Variants in TGFBRAP1 observed in about 807,000 individuals in gnomAD.
The protein encoded by TGFBRAP1 is transforming growth factor beta receptor associated protein 1.
Under a neutral mutation model 83.2 loss-of-function variants are expected in TGFBRAP1, and 20 were observed. The ratio of observed to expected loss-of-function variants is 0.24; its 90% CI spans 0.17 to 0.35. The LOEUF (loss-of-function observed/expected upper bound fraction) is 0.35. Among genes scored for constraint, TGFBRAP1 ranks in the 10% least tolerant of loss-of-function variants. The pLI, the probability that TGFBRAP1 is intolerant of heterozygous loss-of-function variation, is 1.00. For synonymous variants in TGFBRAP1, 415 were observed against 459.8 expected (o/e 0.90, Z 1.25); for missense variants, 950 against 1,099.4 (o/e 0.86, Z 1.92).
At chr2:105,253,731 G>A in the TGFBRAP1 span, among the ~76,000 whole-genome samples, 60 of 152,152 alleles carry the variant, frequency 3.9e-4, no homozygotes, top group Admixed American at 1.3e-3. Flanking sequence ...CAATGAACCT[G>A]GCCTCCTAGT....
chr2:105,291,059 G>A (rs1677895851), intron 4 of TGFBRAP1, among the ~76,000 whole-genome samples: 1 of 152,090 alleles, frequency 6.6e-6, no homozygotes, highest in Non-Finnish European at 1.5e-5. Context: ...GGAAGGTGGT[G>A]GCTGTTACGG....
At chr2:105,260,877 T>A (rs537805062), downstream of TGFBRAP1, among the ~76,000 whole-genome samples, 1 of 152,182 alleles carries the variant, frequency 6.6e-6, no homozygotes, top group Non-Finnish European at 1.5e-5. Context: ...GGGGAGGGCA[T>A]AAAATTTGAG....
intron 4 of TGFBRAP1, among the ~76,000 whole-genome samples, chr2:105,295,453 G>A (rs928031297): frequency 3.3e-5 from 5 of 152,068 alleles, no homozygotes; most frequent in African/African-American, 1.2e-4. Flanking sequence ...TAGGAGACCC[G>A]ATTTATATCA....
the TGFBRAP1 span, among the ~76,000 whole-genome samples, chr2:105,253,513 C>A: frequency 6.6e-6 from 1 of 152,126 alleles, no homozygotes; most frequent in Non-Finnish European, 1.5e-5. Context: ...ATTACTGCAG[C>A]CTTAAACTCC....
chr2:105,250,928 T>C, the TGFBRAP1 span, among the ~76,000 whole-genome samples: 3 of 152,228 alleles, frequency 2.0e-5, no homozygotes, highest in Non-Finnish European at 4.4e-5. Context: ...GGTGCCGGGA[T>C]GGCAGACGGA....
intron 4 of TGFBRAP1, among the ~76,000 whole-genome samples, chr2:105,289,239 A>AG (rs1467453373): frequency 5.3e-5 from 8 of 152,202 alleles, no homozygotes; most frequent in African/African-American, 1.9e-4. Context: ...TGGGAAGGAT[A>AG]TACACAAAAA....
chr2:105,302,008 C>CAAAAAAAAAAAAAA, intron 2 of TGFBRAP1, among the ~76,000 whole-genome samples: 1 of 20,366 alleles, frequency 4.9e-5, no homozygotes, highest in Non-Finnish European at 9.3e-5. Context: ...ATAAAGAATA[C>CAAAAAAAAAAAAAA]TAAAAAAAAA....
chr2:105,250,887 C>T, the TGFBRAP1 span, among the ~76,000 whole-genome samples: 1 of 152,212 alleles, frequency 6.6e-6, no homozygotes, highest in African/African-American at 2.4e-5. Flanking sequence ...AGCTCCTAAC[C>T]GCGAGTGATC....
chr2:105,282,418 G>C (rs1295133198), intron 5 of TGFBRAP1, among the ~76,000 whole-genome samples: 1 of 152,180 alleles, frequency 6.6e-6, no homozygotes, highest in Non-Finnish European at 1.5e-5. Flanking sequence ...TGAGGAGTCA[G>C]AGGACGGGTC....
chr2:105,250,471 T>C, the TGFBRAP1 span, among the ~76,000 whole-genome samples: 1 of 152,164 alleles, frequency 6.6e-6, no homozygotes, highest in East Asian at 1.9e-4. Context: ...GTCCTGCTGT[T>C]CTTTATTCAT....
rs547843699 is a variant in TGFBRAP1 at position 105,266,694 on chromosome 2, A to C, written c.*689T>G. The C allele has an allele frequency of 1.2e-4, 18 of 152,352 alleles. No individual in the cohort carries two copies. Among genetic ancestry groups the C allele is most frequent in the African/African-American group, 4.3e-4 (18 of 41,588 alleles). 9.4% of individuals were successfully genotyped at this position (152,352 alleles called of 1,614,324 possible). A position where few individuals can be genotyped will look rare whatever the true frequency, so the allele number is the denominator to read the frequency against. ...GATCTTCACTTGCTAGGCAGCCAGA[A>C]GCATTAGTTCACCCAAGAGTGAGTG... On this transcript the variant is annotated 3_prime_UTR_variant, in exon 12 of 12. Transcript: ENST00000393359.
At chr2:105,299,639 A>G (rs181764145) in intron 2 of TGFBRAP1, among the ~76,000 whole-genome samples, 1 of 152,148 alleles carries the variant, frequency 6.6e-6, no homozygotes, top group East Asian at 1.9e-4. Context: ...GCGTGTCTAT[A>G]ATCCCAGCTA....
At chr2:105,308,993 G>A (rs1221356082) in intron 1 of TGFBRAP1, among the ~76,000 whole-genome samples, 4 of 152,196 alleles carry the variant, frequency 2.6e-5, no homozygotes, top group Admixed American at 6.5e-5. Flanking sequence ...CATGTGGAGA[G>A]TAAAGGTGTG....
At position 105,298,668 on chromosome 2, in the gene TGFBRAP1, G is replaced by T. The variant is rs1678173705; in HGVS notation, c.726C>A (p.Ala242=). ...FATVAGISQR[A]PVHWSENVIG... ...TCACATTCTCCGACCAGTGCACGGG[G>T]GCGCGCTGGGATATCCCTGCGACTG... Residue 242 remains alanine, a synonymous_variant, in exon 3 of 12, where the codon GCC becomes GCA. Coordinates refer to ENST00000393359, the MANE Select transcript of TGFBRAP1 (RefSeq NM_004257.6). 1 of 1,600,958 alleles carries T rather than the reference G, an allele frequency of 6.2e-7. No individual in the cohort carries two copies. Among genetic ancestry groups the T allele is most frequent in the Non-Finnish European group, 8.5e-7 (1 of 1,171,066 alleles).
At chr2:105,297,972 G>T (rs1678139536) in intron 3 of TGFBRAP1, among the ~76,000 whole-genome samples, 1 of 152,098 alleles carries the variant, frequency 6.6e-6, no homozygotes, top group African/African-American at 2.4e-5. Context: ...CCTTCAAGTG[G>T]CTCACCATAC....
intron 7 of TGFBRAP1, 102 bp downstream of exon 7, chr2:105,277,511 GC>G: frequency 3.9e-6 from 4 of 1,025,282 alleles, no homozygotes; most frequent in Non-Finnish European, 6.1e-6. Context: ...TGTAGATCAG[GC>G]AAAAGTGGTC....
At chr2:105,303,112 T>G (rs1425973639) in intron 2 of TGFBRAP1, among the ~76,000 whole-genome samples, 1 of 152,218 alleles carries the variant, frequency 6.6e-6, no homozygotes, top group Non-Finnish European at 1.5e-5. Flanking sequence ...ATCAACATGA[T>G]TTCACAATGA....
intron 11 of TGFBRAP1, 44 bp from the exon 12 acceptor site, chr2:105,267,603 T>A (rs756628702): frequency 1.2e-6 from 2 of 1,610,276 alleles, no homozygotes; most frequent in Non-Finnish European, 1.7e-6. Context: ...ATGTGTTAAG[T>A]ATATTTAAAG....
intron 4 of TGFBRAP1, among the ~76,000 whole-genome samples, chr2:105,288,520 G>T (rs546956855): frequency 6.6e-6 from 1 of 152,176 alleles, no homozygotes; most frequent in South Asian, 2.1e-4. Flanking sequence ...TCTACTCCTG[G>T]CATGGGGCAG....
Sources: gnomAD v4.1 joint callset for allele counts (sites outside exome capture counted in the v4.1 genomes callset) on GRCh38, gnomAD v4.1.1 for gene constraint, MANE v1.5 for transcripts, NCBI Gene and HGNC (gene_info 2026-07-23, HGNC 2026-07-21) for gene names.